ADAM12: variants seen among roughly 807,000 people sequenced by gnomAD.
ADAM12 encodes the protein disintegrin and metalloproteinase domain-containing protein 12.
ADAM12 carries 70 observed loss-of-function variants against 106.4 expected under a neutral mutation model. The observed-to-expected ratio is 0.66, with a 90% CI of 0.54 to 0.80. The LOEUF (loss-of-function observed/expected upper bound fraction) is 0.80. Among genes scored for constraint, ADAM12 ranks in the 30% least tolerant of loss-of-function variants. The probability of loss-of-function intolerance (pLI) is 0.00; values close to 1 mark genes in which losing one functional copy is unlikely to be tolerated. For missense variants in ADAM12, 1,010 were observed against 1,171.9 expected, an observed-to-expected ratio of 0.86 and a Z score of 2.02; for synonymous variants, 420 against 433.5, an observed-to-expected ratio of 0.97 and a Z score of 0.39.
chr10:126,097,316 C>T (rs1955575874), intron 10 of ADAM12, among the ~76,000 whole-genome samples: 1 of 152,106 alleles, frequency 6.6e-6, no homozygotes, highest in South Asian at 2.1e-4. Context: ...TCCAGGTCCA[C>T]AGAAAACAAG....
chr10:126,075,283 A>G (rs1296135903), intron 11 of ADAM12, among the ~76,000 whole-genome samples: 1 of 152,208 alleles, frequency 6.6e-6, no homozygotes, highest in Non-Finnish European at 1.5e-5. Context: ...TCACTCTGAT[A>G]GGATATTTAT....
intron 1 of ADAM12, among the ~76,000 whole-genome samples, chr10:126,387,601 GC>G (rs1856711139): frequency 6.6e-6 from 1 of 151,960 alleles, no homozygotes; most frequent in Non-Finnish European, 1.5e-5. Context: ...GCCGCTGCGC[GC>G]CCCCCTAAGT....
intron 11 of ADAM12, among the ~76,000 whole-genome samples, chr10:126,085,444 G>T (rs575644993): frequency 6.6e-6 from 1 of 152,190 alleles, no homozygotes; most frequent in East Asian, 1.9e-4. Context: ...ATCTAATTGT[G>T]CTGTACTCAT....
chr10:126,044,445 T>C (rs1218344861), intron 17 of ADAM12, among the ~76,000 whole-genome samples: 1 of 152,194 alleles, frequency 6.6e-6, no homozygotes, highest in Non-Finnish European at 1.5e-5. Context: ...TTGGATGCTG[T>C]TGAGTGTCTA....
At chr10:126,095,533 CAAAAAAAAAAA>C (rs11396229) in intron 10 of ADAM12, among the ~76,000 whole-genome samples, 5 of 46,586 alleles carry the variant, frequency 1.1e-4, no homozygotes, top group South Asian at 3.0e-3. Context: ...GACTCTGTCT[CAAAAAAAAAAA>C]AAAAAAAAAA....
At chr10:126,367,251 A>G (rs192710979) in intron 1 of ADAM12, among the ~76,000 whole-genome samples, 2 of 152,134 alleles carry the variant, frequency 1.3e-5, no homozygotes, top group East Asian at 3.9e-4. Flanking sequence ...AAAATTAGAA[A>G]TTAATAACAA....
intron 3 of ADAM12, among the ~76,000 whole-genome samples, chr10:126,217,885 G>T (rs748075294): frequency 6.6e-6 from 1 of 151,248 alleles, no homozygotes; most frequent in Non-Finnish European, 1.5e-5. Context: ...TGAGGCAGGA[G>T]AATTGCTTGA....
Position 126,043,514 on chromosome 10 carries a change from G to A in ADAM12, c.1996-366C>T, listed in dbSNP as rs1400863038. Among the ~76,000 whole-genome samples, 1 of 152,146 alleles carries A rather than the reference G, an allele frequency of 6.6e-6. No individual in the cohort carries two copies. The highest frequency in any genetic ancestry group is 1.5e-5 in the Non-Finnish European group (1 of 68,026). Reference sequence around the variant, plus strand: ...GCCCCCTCAGCAGTGAGGAGGGACCGTGCTTTGGGGCTACAGACCCAGAGC... The same window carrying A: ...GCCCCCTCAGCAGTGAGGAGGGACCATGCTTTGGGGCTACAGACCCAGAGC... On this transcript the variant is annotated intron_variant, in intron 17 of 22. Transcript: ENST00000448723. This position sits in a 1 kb window ranked among gnomAD's most constrained non-coding sequence, Gnocchi z 4.1.
At chr10:126,167,287 T>C (rs192762431) in intron 3 of ADAM12, among the ~76,000 whole-genome samples, 19 of 152,378 alleles carry the variant, frequency 1.2e-4, no homozygotes, top group East Asian at 9.6e-4. Context: ...CAGCTGGCAC[T>C]GTGTAGGCAT....
At chr10:126,166,345 G>T (rs1002802871) in intron 3 of ADAM12, among the ~76,000 whole-genome samples, 2 of 152,140 alleles carry the variant, frequency 1.3e-5, no homozygotes, top group Admixed American at 6.5e-5. Context: ...ATGAGCAGGT[G>T]GAAACTGATG....
chr10:126,314,654 C>A (rs900046351), intron 2 of ADAM12, among the ~76,000 whole-genome samples: 4 of 152,162 alleles, frequency 2.6e-5, no homozygotes, highest in Non-Finnish European at 5.9e-5. Flanking sequence ...TAAAATTACA[C>A]CCCCAAAATG....
chr10:126,268,706 C>A (rs746971088), intron 3 of ADAM12, among the ~76,000 whole-genome samples: 10 of 152,186 alleles, frequency 6.6e-5, no homozygotes, highest in Non-Finnish European at 8.8e-5. Flanking sequence ...CAATCACAGA[C>A]AGGGCTCAAC....
intron 5 of ADAM12, among the ~76,000 whole-genome samples, chr10:126,121,113 A>G (rs1490835330): frequency 1.2e-5 from 1 of 84,472 alleles, no homozygotes; most frequent in Non-Finnish European, 2.0e-5. Flanking sequence ...TATATATAGT[A>G]TATATATAGT....
At chr10:126,237,905 A>G (rs1204339414) in intron 3 of ADAM12, among the ~76,000 whole-genome samples, 1 of 152,156 alleles carries the variant, frequency 6.6e-6, no homozygotes, top group African/African-American at 2.4e-5. Context: ...TGTGCTCTCA[A>G]CAGTGCCCAG....
intron 3 of ADAM12, among the ~76,000 whole-genome samples, chr10:126,241,123 G>A (rs1958514680): frequency 6.6e-6 from 1 of 152,146 alleles, no homozygotes; most frequent in Admixed American, 6.5e-5. Context: ...TGACACAAGG[G>A]GACATGTACT....
intron 1 of ADAM12, among the ~76,000 whole-genome samples, chr10:126,377,962 A>T (rs930523907): frequency 9.9e-5 from 15 of 152,244 alleles, no homozygotes; most frequent in African/African-American, 3.6e-4. Context: ...AGCTCAGGAA[A>T]GAGAGGAGGA....
intron 2 of ADAM12, among the ~76,000 whole-genome samples, chr10:126,316,209 G>A (rs1201481742): frequency 6.6e-6 from 1 of 152,114 alleles, no homozygotes; most frequent in Non-Finnish European, 1.5e-5. Context: ...GAAATGAAAT[G>A]GCCAGTTTTA....
At chr10:126,370,001 G>A (rs1168504225) in intron 1 of ADAM12, among the ~76,000 whole-genome samples, 2 of 152,170 alleles carry the variant, frequency 1.3e-5, no homozygotes, top group African/African-American at 4.8e-5. Context: ...GATGAAGCAA[G>A]CTTCTATATT....
chr10:126,372,499 A>C (rs1856144678), intron 1 of ADAM12, among the ~76,000 whole-genome samples: 1 of 152,178 alleles, frequency 6.6e-6, no homozygotes, highest in Non-Finnish European at 1.5e-5. Flanking sequence ...TTCTCACTCC[A>C]AGTCCAGAAT....
Sources: gnomAD v4.1 joint callset for allele counts (sites outside exome capture counted in the v4.1 genomes callset) on GRCh38, gnomAD v4.1.1 for gene constraint, Gnocchi (gnomAD v3.1) non-coding constraint, MANE v1.5 for transcripts, NCBI Gene and HGNC (gene_info 2026-07-23, HGNC 2026-07-21) for gene names.